PTPRD: variants seen among roughly 807,000 people sequenced by gnomAD.
The protein encoded by PTPRD is protein tyrosine phosphatase receptor type D, also known as receptor-type tyrosine-protein phosphatase delta.
Under a neutral mutation model 214.5 loss-of-function variants are expected in PTPRD, and 34 were observed. The ratio of observed to expected loss-of-function variants is 0.16; its 90% confidence interval spans 0.12 to 0.21. The LOEUF is 0.21. PTPRD is among the 10% of genes least tolerant of loss of function. The probability of loss-of-function intolerance (pLI) is 1.00; values close to 1 mark genes in which losing one functional copy is unlikely to be tolerated. For missense variants in PTPRD, 2,545 were observed against 2,398.7 expected, an observed-to-expected ratio of 1.06 and a Z score of -1.27; for synonymous variants, 1,128 against 845.7, an observed-to-expected ratio of 1.33 and a Z score of -5.79.
chr9:8,996,611 C>T (rs1397320529), intron 11 of PTPRD, among the ~76,000 whole-genome samples: 1 of 151,990 alleles, frequency 6.6e-6, no homozygotes, highest in Non-Finnish European at 1.5e-5. Flanking sequence ...AAGTCCAAGA[C>T]CAAGGCACCA....
chr9:10,077,836 T>G (rs2098159709), intron 3 of PTPRD, among the ~76,000 whole-genome samples: 1 of 152,098 alleles, frequency 6.6e-6, no homozygotes, highest in Admixed American at 6.6e-5. Flanking sequence ...CTCTCTTTTT[T>G]TTTTTTTAAA....
At chr9:8,834,366 C>A (rs1418609226) in intron 11 of PTPRD, among the ~76,000 whole-genome samples, 2 of 151,944 alleles carry the variant, frequency 1.3e-5, no homozygotes, top group Admixed American at 1.3e-4. Flanking sequence ...GATAGTGTTT[C>A]TTTTTTATAG....
At chr9:10,277,141 T>C (rs938058681) in intron 3 of PTPRD, among the ~76,000 whole-genome samples, 2 of 152,092 alleles carry the variant, frequency 1.3e-5, no homozygotes, top group African/African-American at 4.8e-5. Flanking sequence ...TGCAGTATCA[T>C]CTTTAAGTCT....
At chr9:9,413,333 C>A (rs1382671645) in intron 8 of PTPRD, among the ~76,000 whole-genome samples, 1 of 150,510 alleles carries the variant, frequency 6.6e-6, no homozygotes, top group Non-Finnish European at 1.5e-5. Flanking sequence ...CCAGGATGGT[C>A]TCGATCTCCT....
At chr9:9,780,053 A>G (rs2098830951) in intron 5 of PTPRD, among the ~76,000 whole-genome samples, 1 of 152,234 alleles carries the variant, frequency 6.6e-6, no homozygotes. Flanking sequence ...AAAGAGATAC[A>G]TATACACCAT....
intron 9 of PTPRD, among the ~76,000 whole-genome samples, chr9:9,261,686 GA>G (rs2132163361): frequency 6.6e-6 from 1 of 151,468 alleles, no homozygotes; most frequent in East Asian, 2.0e-4. Flanking sequence ...TCAGGAGGGA[GA>G]GGGGTTGTGA....
intron 11 of PTPRD, among the ~76,000 whole-genome samples, chr9:8,794,905 C>T (rs2096364058): frequency 6.6e-6 from 1 of 151,098 alleles, no homozygotes; most frequent in Non-Finnish European, 1.5e-5. Flanking sequence ...GATAAATGGT[C>T]AATGAGTGAC....
At position 9,197,318 on chromosome 9, in the gene PTPRD, G is replaced by A. The variant is rs568408750; in HGVS notation, c.-202-13955C>T. The stretch of plus-strand genomic sequence containing the variant: ...TCCCCGATGGCTTGTGTTCTCCTAC[G>A]CTGCAGTGAACACTAAACTCAACTT... On this transcript the variant is annotated intron_variant, in intron 9 of 45. Coordinates refer to ENST00000381196, the MANE Select transcript of PTPRD (RefSeq NM_002839.4). Among the ~76,000 whole-genome samples, 20 of 152,024 alleles carry A rather than the reference G, an allele frequency of 1.3e-4. 1 individual carries two copies. Among genetic ancestry groups the A allele is most frequent in the South Asian group, 4.1e-4 (2 of 4,824 alleles).
chr9:10,562,068 A>G (rs1185497299), intron 2 of PTPRD, among the ~76,000 whole-genome samples: 1 of 152,094 alleles, frequency 6.6e-6, no homozygotes, highest in African/African-American at 2.4e-5. Context: ...ACATTAATTG[A>G]GGAGTGAAAC....
chr9:8,551,477 C>A (rs7856156), intron 14 of PTPRD, among the ~76,000 whole-genome samples: 24,224 of 151,950 alleles, frequency 0.16, 2,006 homozygotes, highest in Non-Finnish European at 0.18. Flanking sequence ...TTTCCTTTCT[C>A]TTTTCCTTTT....
chr9:10,598,543 G>A (rs958598144), intron 2 of PTPRD, among the ~76,000 whole-genome samples: 1 of 151,778 alleles, frequency 6.6e-6, no homozygotes, highest in African/African-American at 2.4e-5. Context: ...AGCTGGACTG[G>A]ACGTTGTCAC....
chr9:9,474,541 A>G (rs2094880830), intron 8 of PTPRD, among the ~76,000 whole-genome samples: 1 of 152,054 alleles, frequency 6.6e-6, no homozygotes, highest in South Asian at 2.1e-4. Flanking sequence ...CGTTACGGTA[A>G]TTTTAAAAAT....
At chr9:8,463,055 T>C (rs145334643) in intron 32 of PTPRD, among the ~76,000 whole-genome samples, 47 of 151,932 alleles carry the variant, frequency 3.1e-4, no homozygotes, top group Middle Eastern at 3.4e-3. Context: ...CTTTTCATGA[T>C]TGGTACATAT....
rs546214324 is a variant in PTPRD, at chr9:8,470,832, G to A, written c.3504+163C>T. The stretch of plus-strand genomic sequence containing the variant: ...ATTAAAGCCAAAGGATCTTTGTTGG[G>A]ATCCCCAGGGGTTAGCATGCCCATA... On this transcript the variant is annotated intron_variant, in intron 31 of 45. Coordinates refer to ENST00000381196, the MANE Select transcript of PTPRD (RefSeq NM_002839.4). 2.6e-5 allele frequency among the ~76,000 whole-genome samples: 4 copies of A among 152,218 alleles called. No homozygotes were observed. In the South Asian group the frequency reaches 6.2e-4, roughly 24 times the overall value.
intron 2 of PTPRD, among the ~76,000 whole-genome samples, chr9:10,517,829 T>G (rs545877453): frequency 1.3e-4 from 20 of 152,116 alleles, no homozygotes; most frequent in Non-Finnish European, 2.8e-4. Context: ...CATTTATAGG[T>G]GTTTACCTTT....
intron 11 of PTPRD, among the ~76,000 whole-genome samples, chr9:8,830,995 T>C (rs2097277813): frequency 6.6e-6 from 1 of 152,204 alleles, no homozygotes; most frequent in Non-Finnish European, 1.5e-5. Flanking sequence ...ACTCAAGGAC[T>C]AGTTTTTCTG....
intron 10 of PTPRD, among the ~76,000 whole-genome samples, chr9:9,101,311 G>C (rs2099791053): frequency 6.6e-6 from 1 of 152,140 alleles, no homozygotes; most frequent in Non-Finnish European, 1.5e-5. Flanking sequence ...TAGGTAGATA[G>C]TAGTTTCTTA....
chr9:8,355,878 G>T (rs7048112), intron 39 of PTPRD, among the ~76,000 whole-genome samples: 1 of 152,022 alleles, frequency 6.6e-6, no homozygotes. Context: ...GCCACACTTT[G>T]GGTAATGAGG....
In PTPRD at chr9:9,743,362, A is replaced by C. The variant is rs150807085; in HGVS notation, c.-325-8791T>G. 4.7e-3 allele frequency among the ~76,000 whole-genome samples: 719 copies of C among 152,256 alleles called. 6 individuals carry two copies. Among genetic ancestry groups the C allele is most frequent in the Middle Eastern group, 0.017 (5 of 294 alleles). On this transcript the variant is annotated intron_variant, in intron 6 of 45. Coordinates refer to ENST00000381196, the MANE Select transcript of PTPRD (RefSeq NM_002839.4). ...ATGTATTCATTTGGATAATTTGCCT[A>C]ACCTTCAGTTTTCTTATATATAAAC... is the stretch of plus-strand genomic sequence containing the variant.
Sources: gnomAD v4.1 joint callset for allele counts (sites outside exome capture counted in the v4.1 genomes callset) on GRCh38, gnomAD v4.1.1 for gene constraint, MANE v1.5 for transcripts, NCBI Gene and HGNC (gene_info 2026-07-23, HGNC 2026-07-21) for gene names.